Variants in CNTNAP2 observed in about 807,000 individuals in gnomAD.
The protein encoded by CNTNAP2 is contactin associated protein 2, also known as contactin-associated protein-like 2.
In CNTNAP2, 98 loss-of-function variants were observed where a neutral mutation model predicts 155.2. The ratio of observed to expected loss-of-function variants is 0.63; its 90% CI spans 0.54 to 0.75. CNTNAP2 has a LOEUF of 0.75. Among genes scored for constraint, CNTNAP2 ranks in the 30% least tolerant of loss-of-function variants. The pLI, the probability that CNTNAP2 is intolerant of heterozygous loss-of-function variation, is 0.00. For synonymous variants in CNTNAP2, 651 were observed against 631.2 expected, an observed-to-expected ratio of 1.03 and a Z score of -0.47; for missense variants, 1,727 against 1,688.1, an observed-to-expected ratio of 1.02 and a Z score of -0.40.
chr7:148,407,229 T>TA (rs11442727), intron 22 of CNTNAP2, among the ~76,000 whole-genome samples: 86,027 of 152,006 alleles, frequency 0.57, 24,984 homozygotes, highest in African/African-American at 0.64. Flanking sequence ...ATGATAAGCC[T>TA]AATAAATGAA....
chr7:146,667,918 G>C (rs997450885), intron 1 of CNTNAP2, among the ~76,000 whole-genome samples: 3 of 152,018 alleles, frequency 2.0e-5, no homozygotes, highest in African/African-American at 7.2e-5. Context: ...GTCATCTGCA[G>C]ACAGGAACAA....
chr7:146,172,147 T>A (rs548885084), intron 1 of CNTNAP2, among the ~76,000 whole-genome samples: 1 of 150,468 alleles, frequency 6.6e-6, no homozygotes, highest in African/African-American at 2.4e-5. Flanking sequence ...CTTTTTCACC[T>A]ACCATCCTTG....
At chr7:148,015,831 T>C (rs62473287) in intron 15 of CNTNAP2, among the ~76,000 whole-genome samples, 6,040 of 152,224 alleles carry the variant, frequency 0.04, 246 homozygotes, top group East Asian at 0.24. Context: ...AAAATGAAAG[T>C]TTCCAGGTGA....
intron 13 of CNTNAP2, among the ~76,000 whole-genome samples, chr7:147,789,129 A>T (rs1372960726): frequency 2.0e-5 from 3 of 149,812 alleles, no homozygotes; most frequent in East Asian, 2.0e-4. Flanking sequence ...CTGGTCTCAA[A>T]CTCCTGACCT....
rs563670970 is a variant in CNTNAP2, at chr7:147,980,799, C to T, written c.2383+2810C>T. Among the ~76,000 whole-genome samples, 343 of 148,940 alleles carry T rather than the reference C, an allele frequency of 2.3e-3. 3 individuals are homozygous for T. Among genetic ancestry groups the T allele is most frequent in the Non-Finnish European group, 3.9e-3 (263 of 67,338 alleles). ...AAAAAAAATTAGCCGGGCGTGGTGGCGGGCACCTGTAGTCCCAGCTACTCG... is the reference window on the plus strand; with the variant it reads ...AAAAAAAATTAGCCGGGCGTGGTGGTGGGCACCTGTAGTCCCAGCTACTCG... On this transcript the variant is annotated intron_variant, in intron 15 of 23. Coordinates refer to ENST00000361727, the MANE Select transcript of CNTNAP2 (RefSeq NM_014141.6).
chr7:146,651,809 T>C lies in CNTNAP2; in HGVS notation c.98-122462T>C, dbSNP rs140177610. Among the ~76,000 whole-genome samples, 16 of 152,274 alleles carry C rather than the reference T, an allele frequency of 1.1e-4. No homozygotes were observed. In the East Asian group the frequency reaches 2.7e-3, roughly 26 times the overall value. ...GTGTCACCAATGCTATATATTATTC[T>C]GAAATTTGTATGTGGGTTTTCATGC... On this transcript the variant is annotated intron_variant, in intron 1 of 23. Transcript: ENST00000361727.
chr7:148,205,320 A>T (rs1261481842), intron 18 of CNTNAP2, among the ~76,000 whole-genome samples: 1 of 152,238 alleles, frequency 6.6e-6, no homozygotes, highest in Non-Finnish European at 1.5e-5. Context: ...GTAAGTCTAC[A>T]AATATGTAGT....
chr7:146,680,448 T>C (rs547179364), intron 1 of CNTNAP2, among the ~76,000 whole-genome samples: 175 of 152,318 alleles, frequency 1.1e-3, no homozygotes, highest in African/African-American at 3.9e-3. Context: ...TATAGTATAA[T>C]GGAAAACCTT....
At chr7:146,550,409 T>TA in intron 1 of CNTNAP2, among the ~76,000 whole-genome samples, 1 of 109,894 alleles carries the variant, frequency 9.1e-6, no homozygotes, top group Non-Finnish European at 2.1e-5. Context: ...CTGTTTTTTT[T>TA]TTTTTTTTTT....
At chr7:146,743,750 T>C (rs566698792) in intron 1 of CNTNAP2, among the ~76,000 whole-genome samples, 3 of 152,086 alleles carry the variant, frequency 2.0e-5, no homozygotes, top group South Asian at 4.1e-4. Context: ...CACCATACAA[T>C]AGGGAACAGC....
At chr7:146,294,399 A>G (rs1016129831) in intron 1 of CNTNAP2, among the ~76,000 whole-genome samples, 1 of 152,140 alleles carries the variant, frequency 6.6e-6, no homozygotes, top group African/African-American at 2.4e-5. Context: ...AGAGGACACT[A>G]ACAGACTAAC....
intron 12 of CNTNAP2, among the ~76,000 whole-genome samples, chr7:147,572,488 G>A (rs2190000): frequency 0.45 from 68,121 of 151,884 alleles, 15,461 homozygotes; most frequent in East Asian, 0.61. Context: ...TCCTTCAAAT[G>A]TTTTCATGTA....
At chr7:146,906,595 T>C (rs1311517854) in intron 3 of CNTNAP2, among the ~76,000 whole-genome samples, 1 of 151,996 alleles carries the variant, frequency 6.6e-6, no homozygotes, top group African/African-American at 2.4e-5. Flanking sequence ...GAGGGTCCTG[T>C]CTGTTAGAAG....
At chr7:148,081,048 T>G (rs1444373252) in intron 15 of CNTNAP2, among the ~76,000 whole-genome samples, 1 of 152,224 alleles carries the variant, frequency 6.6e-6, no homozygotes, top group Non-Finnish European at 1.5e-5. Flanking sequence ...ATCATGCATC[T>G]GCTAAGTACT....
At chr7:146,268,194 C>G (rs1186641930) in intron 1 of CNTNAP2, among the ~76,000 whole-genome samples, 1 of 152,124 alleles carries the variant, frequency 6.6e-6, no homozygotes, top group African/African-American at 2.4e-5. Context: ...AATGAATATC[C>G]AGGAAGCTCA....
intron 14 of CNTNAP2, among the ~76,000 whole-genome samples, chr7:147,953,226 C>A (rs1439928118): frequency 1.3e-5 from 2 of 152,180 alleles, no homozygotes; most frequent in African/African-American, 4.8e-5. Flanking sequence ...TCTCTTCCCC[C>A]TAAACTGAAA....
intron 15 of CNTNAP2, among the ~76,000 whole-genome samples, chr7:148,050,555 G>A (rs1802869494): frequency 6.6e-6 from 1 of 152,186 alleles, no homozygotes; most frequent in South Asian, 2.1e-4. Context: ...AGTAAAAAAA[G>A]TTACAGTAAA....
At chr7:148,189,630 G>T (rs936956335) in intron 18 of CNTNAP2, among the ~76,000 whole-genome samples, 3 of 152,104 alleles carry the variant, frequency 2.0e-5, no homozygotes, top group Admixed American at 6.5e-5. Flanking sequence ...ACATCCCCTC[G>T]ATCTTGAACT....
Position 146,243,286 on chromosome 7 carries a change from TATTA to T in CNTNAP2, c.97+126318_97+126321del, listed in dbSNP as rs1400646833. Among the ~76,000 whole-genome samples, 10 of 152,256 alleles carry T rather than the reference TATTA, an allele frequency of 6.6e-5. No homozygotes were observed. In the East Asian group the frequency reaches 1.5e-3, roughly 23 times the overall value. On this transcript the variant is annotated intron_variant, in intron 1 of 23. Transcript: ENST00000361727. ...TAGTTTATTATTTCTCCTTTATTTATATTAATTATTTATGTATTGTACAATATAA... is the reference window on the plus strand; with the variant it reads ...TAGTTTATTATTTCTCCTTTATTTATATTATTTATGTATTGTACAATATAA...
Sources: allele counts gnomAD v4.1 joint callset (sites outside exome capture counted in the v4.1 genomes callset), GRCh38; gene constraint gnomAD v4.1.1; transcripts MANE v1.5; gene names NCBI Gene and HGNC (gene_info 2026-07-23, HGNC 2026-07-21).